The following PPP3CC variants were observed in gnomAD, a reference collection of about 807,000 sequenced individuals.
PPP3CC encodes protein phosphatase 3 catalytic subunit gamma.
In PPP3CC, 35 loss-of-function variants were observed where a neutral mutation model predicts 60.3. That is an observed-to-expected ratio of 0.58 (90% CI 0.44 to 0.77). PPP3CC has a LOEUF of 0.77. PPP3CC is among the 30% of genes least tolerant of loss of function. PPP3CC has a pLI of 0.00. For synonymous variants in PPP3CC, 206 were observed against 224.3 expected, an observed-to-expected ratio of 0.92 and a Z score of 0.73; for missense variants, 570 against 628.9, an observed-to-expected ratio of 0.91 and a Z score of 1.00.
chr8:22,488,524 G>C (rs1838290704), intron 3 of PPP3CC, among the ~76,000 whole-genome samples: 1 of 152,214 alleles, frequency 6.6e-6, no homozygotes. Flanking sequence ...GCAATGTGTA[G>C]GAGACACCTA....
At position 22,511,080 on chromosome 8, in the gene PPP3CC, T is replaced by C. The variant is rs1195884388; in HGVS notation, c.485-6T>C. 1.2e-6 allele frequency: 2 copies of C among 1,612,944 alleles called. No homozygotes were observed. Among genetic ancestry groups the C allele is most frequent in the African/African-American group, 2.7e-5 (2 of 74,910 alleles). ...CTTCCATTGACTGGTTTTCCTTTTT[T>C]GTTAGGTCGAATCAAATATTCGGAA... On this transcript the variant is annotated splice_region_variant and splice_polypyrimidine_tract_variant and intron_variant, in intron 4 of 13. Coordinates refer to ENST00000240139, the MANE Select transcript of PPP3CC (RefSeq NM_005605.5).
rs1464974815 is a variant in PPP3CC at position 22,475,001 on chromosome 8, G to C, written c.97G>C (p.Glu33Gln). 6 of 1,610,880 alleles carry C rather than the reference G, an allele frequency of 3.7e-6. No homozygotes were observed. In the Admixed American group the frequency reaches 6.7e-5, roughly 18 times the overall value. Residue 33 changes from glutamate to glutamine, a missense_variant, in exon 2 of 14, where the codon GAG becomes CAG. Coordinates refer to ENST00000240139, the MANE Select transcript of PPP3CC (RefSeq NM_005605.5). ...ACGGCTTACTTTCAAGGAAGTATTT[G>C]AGAATGGGAAACCTAAAGTTGATGT... ...TQRLTFKEVFENGKPKVDVLK... is the reference protein window; with the variant it reads ...TQRLTFKEVFQNGKPKVDVLK...
At chr8:22,463,838 G>A (rs899115009) in intron 1 of PPP3CC, among the ~76,000 whole-genome samples, 1 of 151,204 alleles carries the variant, frequency 6.6e-6, no homozygotes, top group African/African-American at 2.4e-5. Flanking sequence ...CCAGGCTGGA[G>A]TGCAATGGCA....
chr8:22,464,080 G>A (rs58042621), intron 1 of PPP3CC, among the ~76,000 whole-genome samples: 2,206 of 152,152 alleles, frequency 0.014, 51 homozygotes, highest in African/African-American at 0.048. Context: ...ATACTTAAAT[G>A]TTGAAGTATA....
intron 11 of PPP3CC, 55 bp from the exon 12 acceptor site, chr8:22,532,866 G>A (rs1396788532): frequency 8.1e-6 from 10 of 1,230,660 alleles, no homozygotes; most frequent in Non-Finnish European, 1.1e-5. Flanking sequence ...ATATCTTTAA[G>A]TTGCTGAATG....
In PPP3CC at chr8:22,462,044, G is replaced by A. The variant is rs113021332; in HGVS notation, c.50-12910G>A. On this transcript the variant is annotated intron_variant, in intron 1 of 13. Coordinates refer to ENST00000240139, the MANE Select transcript of PPP3CC (RefSeq NM_005605.5). Reference sequence around the variant, plus strand: ...GAGGCCAGGAGTTTGAGACTAGCCTGTTTAACTTAGTGAGACCTCAGTCTT... The same window carrying A: ...GAGGCCAGGAGTTTGAGACTAGCCTATTTAACTTAGTGAGACCTCAGTCTT... Among the ~76,000 whole-genome samples the A allele has an allele frequency of 3.7e-3, 570 of 152,246 alleles. 3 individuals carry two copies. Among genetic ancestry groups the A allele is most frequent in the Non-Finnish European group, 5.9e-3 (402 of 68,012 alleles).
At chr8:22,455,422 C>A (rs1837167074) in intron 1 of PPP3CC, among the ~76,000 whole-genome samples, 1 of 152,144 alleles carries the variant, frequency 6.6e-6, no homozygotes, top group Admixed American at 6.5e-5. Flanking sequence ...AATGTTTAAT[C>A]TGACTGTGAC....
chr8:22,476,324 A>G (rs1329797722), intron 3 of PPP3CC, among the ~76,000 whole-genome samples: 1 of 152,220 alleles, frequency 6.6e-6, no homozygotes, highest in Non-Finnish European at 1.5e-5. Flanking sequence ...AGAGAAAAAA[A>G]CTTTTGAAAT....
chr8:22,497,476 T>C (rs1346623319), intron 3 of PPP3CC, among the ~76,000 whole-genome samples: 1 of 152,198 alleles, frequency 6.6e-6, no homozygotes, highest in Non-Finnish European at 1.5e-5. Flanking sequence ...TGATTTTGTA[T>C]GTTAATTTTA....
intron 1 of PPP3CC, among the ~76,000 whole-genome samples, chr8:22,474,556 T>C (rs1318105599): frequency 6.6e-6 from 1 of 151,898 alleles, no homozygotes; most frequent in Non-Finnish European, 1.5e-5. Flanking sequence ...ATGCAAAAAT[T>C]AGCCAGGTGT....
At chr8:22,472,164 CTT>C (rs1837742128) in intron 1 of PPP3CC, among the ~76,000 whole-genome samples, 1 of 151,810 alleles carries the variant, frequency 6.6e-6, no homozygotes. Flanking sequence ...ATATATTAAA[CTT>C]AGCTTACTGT....
intron 1 of PPP3CC, among the ~76,000 whole-genome samples, chr8:22,466,286 G>A (rs1166026980): frequency 6.6e-6 from 1 of 152,190 alleles, no homozygotes; most frequent in African/African-American, 2.4e-5. Context: ...GAGCAGTGCT[G>A]CAATAAACAT....
intron 4 of PPP3CC, among the ~76,000 whole-genome samples, chr8:22,507,032 T>A (rs947642962): frequency 2.6e-5 from 4 of 152,046 alleles, no homozygotes; most frequent in Non-Finnish European, 4.4e-5. Context: ...GGTGGGAGGA[T>A]CTCTTGAGGC....
chr8:22,535,993 A>G (rs779167449), intron 12 of PPP3CC, among the ~76,000 whole-genome samples: 8 of 152,228 alleles, frequency 5.3e-5, no homozygotes, highest in Non-Finnish European at 7.4e-5. Context: ...CAGCCTCCCA[A>G]AGTGCTAGGA....
intron 1 of PPP3CC, among the ~76,000 whole-genome samples, chr8:22,447,381 A>G (rs887312189): frequency 2.0e-5 from 3 of 151,166 alleles, no homozygotes; most frequent in Non-Finnish European, 4.4e-5. Flanking sequence ...ACGGGGTTTC[A>G]CTGTGTTAGC....
intron 3 of PPP3CC, among the ~76,000 whole-genome samples, chr8:22,480,320 T>TAGGG (rs1489647119): frequency 1.3e-5 from 2 of 152,174 alleles, no homozygotes; most frequent in Non-Finnish European, 2.9e-5. Context: ...AACATACCCC[T>TAGGG]AAATGCAACT....
intron 6 of PPP3CC, among the ~76,000 whole-genome samples, chr8:22,521,051 C>T (rs1242555419): frequency 2.6e-5 from 4 of 152,134 alleles, no homozygotes. Context: ...TTAGGGTTCA[C>T]AGTCAGTGGG....
chr8:22,497,183 C>A (rs964021334), intron 3 of PPP3CC, among the ~76,000 whole-genome samples: 1 of 152,140 alleles, frequency 6.6e-6, no homozygotes, highest in Non-Finnish European at 1.5e-5. Flanking sequence ...GCATGTGCCA[C>A]CACACCCAGC....
intron 12 of PPP3CC, among the ~76,000 whole-genome samples, chr8:22,537,562 AC>A (rs905142204): frequency 2.0e-5 from 3 of 152,186 alleles, no homozygotes; most frequent in Admixed American, 2.0e-4. Context: ...ATAGCTACAT[AC>A]CCCACAAAGA....
Sources: gnomAD v4.1 joint callset for allele counts (sites outside exome capture counted in the v4.1 genomes callset) on GRCh38, gnomAD v4.1.1 for gene constraint, MANE v1.5 for transcripts, NCBI Gene and HGNC (gene_info 2026-07-23, HGNC 2026-07-21) for gene names.